The following DPRX variants were observed in gnomAD, a reference collection of about 807,000 sequenced individuals.
DPRX encodes the protein divergent paired-related homeobox.
Under a neutral mutation model 8.4 loss-of-function variants are expected in DPRX, and 11 were observed. The ratio of observed to expected loss-of-function variants is 1.31; its 90% CI spans 0.82 to 2.17. DPRX has a LOEUF of 2.17. Among genes scored for constraint, DPRX ranks in the 30% most tolerant of loss-of-function variants. DPRX has a pLI of 0.00. For synonymous variants in DPRX, 72 were observed against 87.0 expected, an observed-to-expected ratio of 0.83 and a Z score of 0.96; for missense variants, 211 against 236.7, an observed-to-expected ratio of 0.89 and a Z score of 0.71.
At chr19:53,621,162 T>C in the DPRX span, among the ~76,000 whole-genome samples, 4 of 152,098 alleles carry the variant, frequency 2.6e-5, no homozygotes, top group Non-Finnish European at 4.4e-5. Context: ...ATACAAGGTC[T>C]CACTGTGTCA....
In DPRX at chr19:53,636,868, T is replaced by C. The variant is rs1237758864; in HGVS notation, c.456T>C (p.Phe152=). The C allele has an allele frequency of 1.9e-6, 3 of 1,614,090 alleles. No homozygotes were observed. The Admixed American group carries it at 5.0e-5, about 27-fold the overall frequency. ...TCATTGGCCACAGAATAGTCCATTT[T>C]GGCTGCTGCCGAGATCCTAATATAT... The change falls in exon 3 of 3, where the codon TTT becomes TTC. Residue 152 remains phenylalanine, a synonymous_variant. Coordinates refer to ENST00000376650, the Ensembl canonical transcript of DPRX.
At chr19:53,632,160 A>C (rs1286885295) in intron 1 of DPRX, 26 bp downstream of exon 1, 1 of 1,613,910 alleles carries the variant, frequency 6.2e-7, no homozygotes, top group African/African-American at 1.3e-5. Context: ...TGAGAACCGA[A>C]GCAAAGACAC....
At chr19:53,627,439 CTTTT>C (rs1030412694), upstream of DPRX, among the ~76,000 whole-genome samples, 2 of 66,250 alleles carry the variant, frequency 3.0e-5, no homozygotes, top group African/African-American at 9.2e-5. Context: ...TTCTTTCTTT[CTTTT>C]TTTTTTTTTT....
intron 2 of DPRX, among the ~76,000 whole-genome samples, chr19:53,635,335 C>T (rs2091108159): frequency 6.6e-6 from 1 of 151,976 alleles, no homozygotes; most frequent in Admixed American, 6.6e-5. Flanking sequence ...TTTCACATTA[C>T]AAAATAGTGT....
chr19:53,621,925 G>T, the DPRX span, among the ~76,000 whole-genome samples: 1 of 152,150 alleles, frequency 6.6e-6, no homozygotes, highest in East Asian at 1.9e-4. Context: ...ATTGTTATGT[G>T]GGCCCCAAAC....
chr19:53,629,128 A>G (rs548666060), upstream of DPRX, among the ~76,000 whole-genome samples: 142 of 151,640 alleles, frequency 9.4e-4, 1 homozygote, highest in African/African-American at 3.3e-3. Context: ...AGCCTGGCCA[A>G]CATGGTGAAA....
chr19:53,617,576 G>GA, the DPRX span, among the ~76,000 whole-genome samples: 33,216 of 107,498 alleles, frequency 0.31, 4,335 homozygotes, highest in East Asian at 0.46. Flanking sequence ...AAAAAAAAAA[G>GA]AAAAAAAAAA....
At chr19:53,616,846 C>A in the DPRX span, 1 of 1,600,202 alleles carries the variant, frequency 6.2e-7, no homozygotes, top group South Asian at 1.1e-5. Context: ...GCTTGAATGT[C>A]CCAACCTGAA....
the DPRX span, among the ~76,000 whole-genome samples, chr19:53,623,275 C>A: frequency 2.0e-5 from 3 of 150,132 alleles, no homozygotes; most frequent in Admixed American, 2.0e-4. Flanking sequence ...CCACTGCACT[C>A]CAGCCTGGGC....
the DPRX span, among the ~76,000 whole-genome samples, chr19:53,608,691 G>A: frequency 0.23 from 34,328 of 152,026 alleles, 4,046 homozygotes; most frequent in South Asian, 0.34. Context: ...AGTGGCTCAC[G>A]CCTGTAATCC....
At chr19:53,627,577 C>T (rs1568582473), upstream of DPRX, among the ~76,000 whole-genome samples, 1 of 151,186 alleles carries the variant, frequency 6.6e-6, no homozygotes, top group African/African-American at 2.4e-5. Context: ...GCTGGGATCA[C>T]AGGCGCCTAC....
the DPRX span, among the ~76,000 whole-genome samples, chr19:53,619,401 G>A: frequency 6.6e-6 from 1 of 152,116 alleles, no homozygotes; most frequent in Admixed American, 6.6e-5. Flanking sequence ...CAGGCCGGGT[G>A]CGGTGGCTCA....
At chr19:53,603,491 C>T in the DPRX span, 4 of 434,922 alleles carry the variant, frequency 9.2e-6, no homozygotes, top group Non-Finnish European at 1.9e-5. Context: ...CAGAATTCAT[C>T]TCAACTACTT....
chr19:53,604,726 C>G, the DPRX span, among the ~76,000 whole-genome samples: 16 of 151,814 alleles, frequency 1.1e-4, no homozygotes, highest in Non-Finnish European at 2.1e-4. Flanking sequence ...GCCTGTAATC[C>G]CAGCTACTCC....
At chr19:53,603,510 G>A in the DPRX span, 8 of 413,894 alleles carry the variant, frequency 1.9e-5, no homozygotes, top group East Asian at 7.3e-5. Context: ...TTCCTCCTTC[G>A]GCTTCTCGTT....
intron 2 of DPRX, 142 bp downstream of exon 2, chr19:53,634,827 C>G (rs918384009): frequency 4.6e-5 from 56 of 1,223,542 alleles, no homozygotes; most frequent in Non-Finnish European, 6.1e-5. Flanking sequence ...TCCCCGTAAA[C>G]CTTTCTTCAA....
chr19:53,623,306 C>CAAAAAAAAAAAA, the DPRX span, among the ~76,000 whole-genome samples: 84 of 77,758 alleles, frequency 1.1e-3, 1 homozygote, highest in African/African-American at 3.4e-3. Flanking sequence ...GACTCTGTCT[C>CAAAAAAAAAAAA]AAAAAAATAA....
chr19:53,635,198 G>A (rs74837513), intron 2 of DPRX, among the ~76,000 whole-genome samples: 10,848 of 152,116 alleles, frequency 0.071, 447 homozygotes, highest in South Asian at 0.15. Context: ...GTAGAGATGG[G>A]GTTTCGCTAT....
chr19:53,633,418 T>A (rs2091100414), intron 1 of DPRX, among the ~76,000 whole-genome samples: 2 of 152,328 alleles, frequency 1.3e-5, no homozygotes, highest in African/African-American at 4.8e-5. Flanking sequence ...TCCATCCATT[T>A]CACCTTGGAT....
Sources: gnomAD v4.1 joint callset for allele counts (sites outside exome capture counted in the v4.1 genomes callset) on GRCh38, gnomAD v4.1.1 for gene constraint, MANE v1.5 for transcripts, NCBI Gene and HGNC (gene_info 2026-07-23, HGNC 2026-07-21) for gene names.